Variants in NCAM1 observed in about 807,000 individuals in gnomAD.
NCAM1 encodes the protein antigen recognized by monoclonal antibody 5.1H11.
NCAM1 carries 14 observed loss-of-function variants against 109.8 expected under a neutral mutation model. The observed-to-expected ratio is 0.13, with a 90% CI of 0.08 to 0.20. NCAM1 has a LOEUF of 0.20. Ranked by LOEUF, NCAM1 falls within the 10% of genes least tolerant of loss-of-function variation. The probability of loss-of-function intolerance (pLI) is 1.00; values close to 1 mark genes in which losing one functional copy is unlikely to be tolerated. For missense variants in NCAM1, 774 were observed against 1,109.9 expected, an observed-to-expected ratio of 0.70 and a Z score of 4.30; for synonymous variants, 418 against 442.9, an observed-to-expected ratio of 0.94 and a Z score of 0.70.
chr11:112,982,040 G>A (rs782476649), intron 1 of NCAM1, among the ~76,000 whole-genome samples: 15 of 151,778 alleles, frequency 9.9e-5, no homozygotes, highest in Non-Finnish European at 1.8e-4. Flanking sequence ...CTTTTCCTCC[G>A]CAAGAAGTTT....
intron 1 of NCAM1, among the ~76,000 whole-genome samples, chr11:113,105,842 A>G (rs1458639552): frequency 6.6e-6 from 1 of 152,336 alleles, no homozygotes; most frequent in East Asian, 1.9e-4. Flanking sequence ...CTGGTTGCCC[A>G]ACTCTGTGAA....
chr11:113,118,691 C>T (rs1024910668), intron 1 of NCAM1, among the ~76,000 whole-genome samples: 15 of 151,686 alleles, frequency 9.9e-5, no homozygotes, highest in Non-Finnish European at 1.3e-4. Context: ...ATAGAATTGA[C>T]GAATGGGTTC....
chr11:113,016,206 C>G (rs1050962895), intron 1 of NCAM1, among the ~76,000 whole-genome samples: 2 of 152,166 alleles, frequency 1.3e-5, no homozygotes, highest in African/African-American at 2.4e-5. Flanking sequence ...AGCACTGAGC[C>G]AAGATCTTTC....
chr11:112,984,950 T>C (rs199931302), intron 1 of NCAM1, among the ~76,000 whole-genome samples: 1 of 46,518 alleles, frequency 2.1e-5, no homozygotes, highest in Non-Finnish European at 4.3e-5. Flanking sequence ...CACTATCCTA[T>C]TTTTTTTTTA....
rs561251314 is a variant in NCAM1 at position 113,215,171 on chromosome 11, G to A, written c.1059+660G>A. ...CGGGAAAGATTGAGCTTTAAAGTCC[G>A]TGGATTTGTAGGCCACCAGAAAGCT... On this transcript the variant is annotated intron_variant, in intron 8 of 19. Transcript: ENST00000316851. 6.8e-4 allele frequency among the ~76,000 whole-genome samples: 104 copies of A among 152,278 alleles called. No individual in the cohort carries two copies. In the South Asian group the frequency reaches 9.9e-3, roughly 15 times the overall value.
intron 17 of NCAM1, chr11:113,264,318 T>A: frequency 1.0e-6 from 1 of 985,424 alleles, no homozygotes. Flanking sequence ...CATGCTGTGG[T>A]CTGAGGGGCA....
chr11:113,242,791 T>C (rs1945370866), intron 14 of NCAM1: 1 of 1,612,276 alleles, frequency 6.2e-7, no homozygotes, highest in African/African-American at 1.3e-5. Context: ...TTTCTGTCTG[T>C]CGTGTTTCCA....
intron 1 of NCAM1, among the ~76,000 whole-genome samples, chr11:113,002,115 C>T (rs1951769693): frequency 6.6e-6 from 1 of 152,124 alleles, no homozygotes; most frequent in Admixed American, 6.5e-5. Flanking sequence ...GAGATGATGC[C>T]CCTAACCCCT....
At chr11:113,020,517 T>C (rs1181795558) in intron 1 of NCAM1, among the ~76,000 whole-genome samples, 1 of 152,222 alleles carries the variant, frequency 6.6e-6, no homozygotes, top group Non-Finnish European at 1.5e-5. Context: ...TATTTTGTTA[T>C]ATTTTTACTT....
chr11:113,103,070 A>G (rs1157632137), intron 1 of NCAM1, among the ~76,000 whole-genome samples: 1 of 152,236 alleles, frequency 6.6e-6, no homozygotes, highest in African/African-American at 2.4e-5. Flanking sequence ...TTAAGGAAAC[A>G]TGAGTAGATA....
At chr11:113,194,902 A>C (rs1301465149) in intron 1 of NCAM1, among the ~76,000 whole-genome samples, 1 of 152,204 alleles carries the variant, frequency 6.6e-6, no homozygotes, top group Non-Finnish European at 1.5e-5. Flanking sequence ...CTAGATGTTT[A>C]GGTTTAAATA....
intron 1 of NCAM1, among the ~76,000 whole-genome samples, chr11:112,977,871 A>T (rs975397599): frequency 5.3e-5 from 8 of 151,946 alleles, no homozygotes. Context: ...TTGTGCATGC[A>T]CTAAGAAGTC....
rs115613366 is a variant in NCAM1 at position 113,105,317 on chromosome 11, T to C, written c.53-97062T>C. 3.3e-3 allele frequency among the ~76,000 whole-genome samples: 508 copies of C among 152,358 alleles called. 4 individuals carry two copies. Among genetic ancestry groups the C allele is most frequent in the South Asian group, 8.9e-3 (43 of 4,828 alleles). Reference sequence around the variant, plus strand: ...CTCCCTTATCTGGCTTGTTCATTTCTGTATCCTGCTCTATCACAATTCTTA... The same window carrying C: ...CTCCCTTATCTGGCTTGTTCATTTCCGTATCCTGCTCTATCACAATTCTTA... On this transcript the variant is annotated intron_variant, in intron 1 of 19. Transcript: ENST00000316851.
intron 1 of NCAM1, among the ~76,000 whole-genome samples, chr11:113,188,710 C>A (rs1156572432): frequency 3.9e-5 from 6 of 152,002 alleles, no homozygotes; most frequent in Non-Finnish European, 7.4e-5. Flanking sequence ...TTTAAGGAAC[C>A]CAGTTTTGCC....
intron 1 of NCAM1, among the ~76,000 whole-genome samples, chr11:112,969,006 G>A (rs1216748953): frequency 2.0e-5 from 3 of 152,138 alleles, no homozygotes; most frequent in Non-Finnish European, 4.4e-5. Flanking sequence ...TGGAAGGAGG[G>A]GAGACAGACA....
intron 1 of NCAM1, among the ~76,000 whole-genome samples, chr11:113,082,583 T>A (rs1938878646): frequency 1.3e-5 from 2 of 152,188 alleles, no homozygotes; most frequent in Non-Finnish European, 2.9e-5. Flanking sequence ...GCCAGGGAAA[T>A]CTTTCAAAGG....
At chr11:113,222,389 TC>T (rs1944714129) in intron 9 of NCAM1, among the ~76,000 whole-genome samples, 1 of 152,240 alleles carries the variant, frequency 6.6e-6, no homozygotes, top group African/African-American at 2.4e-5. Context: ...TGACTGCCTG[TC>T]CCCAGGCACT....
intron 1 of NCAM1, among the ~76,000 whole-genome samples, chr11:113,004,047 G>A (rs565687458): frequency 6.6e-6 from 1 of 152,232 alleles, no homozygotes; most frequent in African/African-American, 2.4e-5. Context: ...TCATTGTTGC[G>A]CATGCTTTCT....
At chr11:113,016,319 C>G (rs1952203915) in intron 1 of NCAM1, among the ~76,000 whole-genome samples, 1 of 152,122 alleles carries the variant, frequency 6.6e-6, no homozygotes, top group South Asian at 2.1e-4. Context: ...GGCCAAGCAA[C>G]TTTCTCAGGG....
Sources: gnomAD v4.1 joint callset for allele counts (sites outside exome capture counted in the v4.1 genomes callset) on GRCh38, gnomAD v4.1.1 for gene constraint, MANE v1.5 for transcripts, NCBI Gene and HGNC (gene_info 2026-07-23, HGNC 2026-07-21) for gene names.